Variants in SNTG1 observed in about 807,000 individuals in gnomAD.
SNTG1 encodes the protein syntrophin gamma 1.
Under a neutral mutation model 74.7 loss-of-function variants are expected in SNTG1, and 39 were observed. The ratio of observed to expected loss-of-function variants is 0.52; its 90% confidence interval spans 0.40 to 0.68. The LOEUF is 0.68. Among genes scored for constraint, SNTG1 ranks in the 30% least tolerant of loss-of-function variants. SNTG1 has a pLI of 0.00. For missense variants in SNTG1, 685 were observed against 609.5 expected, an observed-to-expected ratio of 1.12 and a Z score of -1.30; for synonymous variants, 254 against 217.1, an observed-to-expected ratio of 1.17 and a Z score of -1.49.
chr8:50,407,925 T>G (rs2092900480), intron 4 of SNTG1, among the ~76,000 whole-genome samples: 1 of 152,112 alleles, frequency 6.6e-6, no homozygotes, highest in Non-Finnish European at 1.5e-5. Flanking sequence ...GAGTCACTGG[T>G]CTGGGTGGCA....
intron 16 of SNTG1, among the ~76,000 whole-genome samples, chr8:50,705,066 G>A (rs779702787): frequency 2.0e-5 from 3 of 152,010 alleles, no homozygotes; most frequent in Non-Finnish European, 4.4e-5. Flanking sequence ...TGTTGACAAG[G>A]TCACTTCCTG....
At chr8:50,716,919 G>T (rs1382410777) in intron 17 of SNTG1, among the ~76,000 whole-genome samples, 1 of 151,650 alleles carries the variant, frequency 6.6e-6, no homozygotes, top group Non-Finnish European at 1.5e-5. Flanking sequence ...TGCATTTTTA[G>T]TGGAGACTAA....
intron 18 of SNTG1, among the ~76,000 whole-genome samples, chr8:50,788,832 T>C (rs1033557356): frequency 6.6e-6 from 1 of 151,550 alleles, no homozygotes; most frequent in Non-Finnish European, 1.5e-5. Context: ...ACCCATATAC[T>C]GTGCCTCATC....
At chr8:50,734,703 T>A (rs1021883180) in intron 17 of SNTG1, among the ~76,000 whole-genome samples, 3 of 146,208 alleles carry the variant, frequency 2.1e-5, no homozygotes, top group African/African-American at 7.5e-5. Context: ...CATATATATA[T>A]CTCTCTATAT....
intron 1 of SNTG1, among the ~76,000 whole-genome samples, chr8:50,115,567 CAAAAAA>C (rs11386539): frequency 2.5e-5 from 1 of 40,534 alleles, no homozygotes. Context: ...GACTCTGTCT[CAAAAAA>C]AAAAAAAAAA....
At chr8:50,428,357 A>G (rs938784280) in intron 4 of SNTG1, among the ~76,000 whole-genome samples, 14 of 152,134 alleles carry the variant, frequency 9.2e-5, no homozygotes, top group African/African-American at 3.1e-4. Context: ...GGATGAATAT[A>G]TGGGCAGTGG....
At chr8:50,468,165 G>A (rs1364984565) in intron 8 of SNTG1, among the ~76,000 whole-genome samples, 1 of 151,822 alleles carries the variant, frequency 6.6e-6, no homozygotes, top group Non-Finnish European at 1.5e-5. Context: ...GTACTGTTCA[G>A]TCCAACTGTA....
At chr8:50,513,881 G>T (rs761681688) in intron 9 of SNTG1, among the ~76,000 whole-genome samples, 8 of 152,096 alleles carry the variant, frequency 5.3e-5, no homozygotes, top group African/African-American at 1.9e-4. Context: ...GCAATGCCTC[G>T]CCCTGCTTCA....
intron 1 of SNTG1, among the ~76,000 whole-genome samples, chr8:50,021,835 C>T (rs1415365820): frequency 6.6e-6 from 1 of 150,984 alleles, no homozygotes; most frequent in Non-Finnish European, 1.5e-5. Flanking sequence ...CAGCTAATTG[C>T]AATACTGAGG....
chr8:50,118,514 A>G (rs955278924), intron 1 of SNTG1, among the ~76,000 whole-genome samples: 4 of 152,134 alleles, frequency 2.6e-5, no homozygotes, highest in African/African-American at 9.7e-5. Flanking sequence ...ATATAAGGAA[A>G]TAGAAGCAAA....
chr8:50,136,462 A>G (rs1274447016), intron 1 of SNTG1, among the ~76,000 whole-genome samples: 2 of 152,142 alleles, frequency 1.3e-5, no homozygotes, highest in Non-Finnish European at 2.9e-5. Context: ...CTGGTGTGAG[A>G]TGGTATCCCT....
At chr8:50,280,780 C>T (rs2088396339) in intron 2 of SNTG1, among the ~76,000 whole-genome samples, 1 of 151,962 alleles carries the variant, frequency 6.6e-6, no homozygotes, top group South Asian at 2.1e-4. Flanking sequence ...AGGTGGCCAC[C>T]TTTAGAGATA....
chr8:50,016,433 G>C (rs1179416667), intron 1 of SNTG1, among the ~76,000 whole-genome samples: 1 of 152,040 alleles, frequency 6.6e-6, no homozygotes, highest in Non-Finnish European at 1.5e-5. Context: ...TGAGTTCCTT[G>C]GCAACTTCTT....
Position 50,338,469 on chromosome 8 carries a change from A to T in SNTG1, c.-27-55743A>T, listed in dbSNP as rs548504525. ...GAATCAGATATGGCAGAGATTTTTG[A>T]ATTAATGAATTGGTAGTTTAAACTA... On this transcript the variant is annotated intron_variant, in intron 2 of 18. Transcript: ENST00000642720. Among the ~76,000 whole-genome samples, 13 of 152,328 alleles carry T rather than the reference A, an allele frequency of 8.5e-5. 1 individual carries two copies. The highest frequency in any genetic ancestry group is 3.1e-4 in the African/African-American group (13 of 41,582).
chr8:50,366,916 AG>A (rs2092130543), intron 2 of SNTG1, among the ~76,000 whole-genome samples: 1 of 146,796 alleles, frequency 6.8e-6, no homozygotes. Flanking sequence ...AATATAGTAT[AG>A]GTCTATACTA....
intron 15 of SNTG1, among the ~76,000 whole-genome samples, chr8:50,693,926 T>C (rs1447776599): frequency 6.6e-6 from 1 of 152,054 alleles, no homozygotes; most frequent in African/African-American, 2.4e-5. Flanking sequence ...AATGAAAACA[T>C]AACATACCAA....
chr8:50,020,845 T>C (rs1816754821), intron 1 of SNTG1, among the ~76,000 whole-genome samples: 1 of 152,302 alleles, frequency 6.6e-6, no homozygotes, highest in Admixed American at 6.5e-5. Flanking sequence ...ACTTATGTAG[T>C]TGATATGCCC....
At chr8:50,121,139 CAA>C (rs2080986397) in intron 1 of SNTG1, among the ~76,000 whole-genome samples, 1 of 142,306 alleles carries the variant, frequency 7.0e-6, no homozygotes. Context: ...ACTAGTCTCT[CAA>C]GACCATTATT....
intron 12 of SNTG1, among the ~76,000 whole-genome samples, chr8:50,556,101 C>A (rs958143270): frequency 2.0e-5 from 3 of 152,000 alleles, no homozygotes; most frequent in Admixed American, 2.0e-4. Context: ...GCTAAAAATA[C>A]CTAGGCAAAC....
Sources: allele counts gnomAD v4.1 joint callset (sites outside exome capture counted in the v4.1 genomes callset), GRCh38; gene constraint gnomAD v4.1.1; transcripts MANE v1.5; gene names NCBI Gene and HGNC (gene_info 2026-07-23, HGNC 2026-07-21).